IQGAP2: variants seen among roughly 807,000 people sequenced by gnomAD.
IQGAP2 encodes IQ motif containing GTPase activating protein 2.
Under a neutral mutation model 201.3 loss-of-function variants are expected in IQGAP2, and 173 were observed. The observed-to-expected ratio is 0.86, with a 90% CI of 0.76 to 0.98. The LOEUF is 0.98. IQGAP2 is among the 50% of genes least tolerant of loss of function. The pLI, the probability that IQGAP2 is intolerant of heterozygous loss-of-function variation, is 0.00. For synonymous variants in IQGAP2, 675 were observed against 673.9 expected, an observed-to-expected ratio of 1.00 and a Z score of -0.03; for missense variants, 1,687 against 1,864.8, an observed-to-expected ratio of 0.90 and a Z score of 1.76.
chr5:76,706,854 A>G (rs1249151468), intron 35 of IQGAP2, among the ~76,000 whole-genome samples: 2 of 152,216 alleles, frequency 1.3e-5, no homozygotes, highest in Non-Finnish European at 2.9e-5. Flanking sequence ...GATGGGCCCC[A>G]CCAGAGAGCT....
chr5:76,572,565 G>A (rs1480376104), intron 4 of IQGAP2, among the ~76,000 whole-genome samples: 1 of 152,088 alleles, frequency 6.6e-6, no homozygotes, highest in Admixed American at 6.5e-5. Context: ...AACCTCCCGA[G>A]TAGCTGGGGT....
At chr5:76,585,051 T>C (rs999497974) in intron 5 of IQGAP2, among the ~76,000 whole-genome samples, 1 of 152,188 alleles carries the variant, frequency 6.6e-6, no homozygotes, top group Non-Finnish European at 1.5e-5. Flanking sequence ...AAACAGTTAA[T>C]AAAATTTGTA....
rs1034066263 is a variant in IQGAP2, at chr5:76,692,142, TTCTA to T, written c.3906-1200_3906-1197del. Among the ~76,000 whole-genome samples the T allele has an allele frequency of 2.4e-4, 37 of 152,314 alleles. 1 individual carries two copies. The highest frequency in any genetic ancestry group is 3.4e-3 in the Middle Eastern group (1 of 294). On this transcript the variant is annotated intron_variant, in intron 30 of 35. Transcript: ENST00000274364. ...TCCTTTTCTTCTTTCTTTTCTTTCT[TTCTA>T]TCTATCTATCTAGATATCTATCTGA... is the stretch of plus-strand genomic sequence containing the variant.
At chr5:76,626,277 T>C (rs1280624412) in intron 13 of IQGAP2, among the ~76,000 whole-genome samples, 1 of 126,646 alleles carries the variant, frequency 7.9e-6, no homozygotes, top group African/African-American at 3.0e-5. Context: ...TTTCTTTTTT[T>C]TTTTTTTTTT....
At position 76,677,315 on chromosome 5, in the gene IQGAP2, T is replaced by C; in HGVS notation, c.3625T>C (p.Tyr1209His). ...GGTGACAGTCAGCAAACCAGTCATT[T>C]ATATTTCAATTGAAGAAATCATCAG... The part of the protein sequence containing the change: ...DLVTVSKPVI[Y>H]ISIEEIISTH... Residue 1209 changes from tyrosine (Y) to histidine (H), a missense_variant, in exon 28 of 36, where the codon TAT becomes CAT. Coordinates refer to ENST00000274364, the MANE Select transcript of IQGAP2 (RefSeq NM_006633.5). 6.2e-7 allele frequency: 1 copy of C among 1,614,008 alleles called. No individual in the cohort carries two copies. The highest frequency in any genetic ancestry group is 8.5e-7 in the Non-Finnish European group (1 of 1,179,944).
chr5:76,462,913 C>G (rs1343397870), intron 2 of IQGAP2, among the ~76,000 whole-genome samples: 1 of 152,026 alleles, frequency 6.6e-6, no homozygotes, highest in African/African-American at 2.4e-5. Context: ...GATTCACTAT[C>G]AGTCTAAGAT....
chr5:76,705,535 G>T (rs562937805), intron 35 of IQGAP2, among the ~76,000 whole-genome samples: 103 of 152,236 alleles, frequency 6.8e-4, no homozygotes, highest in African/African-American at 2.2e-3. Context: ...TAACTCTATT[G>T]GTTTAATTCT....
In IQGAP2 at chr5:76,654,925, C is replaced by A; in HGVS notation, c.2251-9C>A. The A allele has an allele frequency of 1.3e-6, 2 of 1,599,728 alleles. No individual in the cohort carries two copies. Among genetic ancestry groups the A allele is most frequent in the Non-Finnish European group, 1.7e-6 (2 of 1,167,470 alleles). On this transcript the variant is annotated splice_polypyrimidine_tract_variant and intron_variant, in intron 19 of 35. Transcript: ENST00000274364. ...CTGGGAGATCAAGACTTGTCTTAAT[C>A]TTTTGCAGAATAATGAAATTGTGAA...
intron 12 of IQGAP2, among the ~76,000 whole-genome samples, chr5:76,610,072 CTCTCTATATA>C (rs1287340875): frequency 3.6e-3 from 15 of 4,176 alleles, no homozygotes; most frequent in African/African-American, 8.8e-3. Context: ...CTCTCTCTCT[CTCTCTATATA>C]TATATATATA....
At chr5:76,411,433 T>C (rs1488433141) in intron 1 of IQGAP2, among the ~76,000 whole-genome samples, 1 of 152,212 alleles carries the variant, frequency 6.6e-6, no homozygotes, top group Non-Finnish European at 1.5e-5. Flanking sequence ...TGGAAGGTGC[T>C]GTAGTTTGAA....
intron 13 of IQGAP2, chr5:76,618,656 A>G (rs749040267): frequency 6.3e-7 from 1 of 1,588,798 alleles, no homozygotes; most frequent in South Asian, 1.1e-5. Flanking sequence ...TAATTGAAAG[A>G]AAGTATTAAC....
chr5:76,404,188 C>G (rs903234976), intron 1 of IQGAP2, among the ~76,000 whole-genome samples: 4 of 152,148 alleles, frequency 2.6e-5, no homozygotes, highest in Non-Finnish European at 5.9e-5. Context: ...CTTTCCCCCC[C>G]GCTCCCCTCG....
At position 76,695,653 on chromosome 5, in the gene IQGAP2, A is replaced by T; in HGVS notation, c.4193A>T (p.Asn1398Ile). 6.2e-7 allele frequency: 1 copy of T among 1,613,498 alleles called. No homozygotes were observed. The highest frequency in any genetic ancestry group is 8.5e-7 in the Non-Finnish European group (1 of 1,179,484). The change falls in exon 32 of 36, where the codon AAT becomes ATT. Residue 1398 changes from asparagine to isoleucine, a missense_variant. Asn to Ile is a moderately radical substitution (Grantham distance 149). Transcript: ENST00000274364. ...SSENKYQDILNEIAKDIRNQR... is the reference protein window; with the variant it reads ...SSENKYQDILIEIAKDIRNQR... ...GAAAATAAATACCAAGACATTCTCA[A>T]TGAGATTGCCAAGGTTTTTGGAAAC...
intron 30 of IQGAP2, among the ~76,000 whole-genome samples, chr5:76,691,208 A>T (rs1746233824): frequency 2.0e-5 from 3 of 152,154 alleles, no homozygotes; most frequent in Admixed American, 1.3e-4. Context: ...AATGAATTCC[A>T]CAGGCCTGGT....
At chr5:76,489,157 C>T (rs776507830) in intron 2 of IQGAP2, among the ~76,000 whole-genome samples, 80 of 152,090 alleles carry the variant, frequency 5.3e-4, no homozygotes, top group Non-Finnish European at 4.6e-4. Flanking sequence ...CCATGGAACA[C>T]GCAGGTGAAC....
chr5:76,529,506 T>C (rs1759156647), intron 2 of IQGAP2, among the ~76,000 whole-genome samples: 1 of 151,974 alleles, frequency 6.6e-6, no homozygotes, highest in Admixed American at 6.6e-5. Context: ...CGCACGCCTG[T>C]AATCCCAGCT....
intron 2 of IQGAP2, among the ~76,000 whole-genome samples, chr5:76,527,080 G>A (rs1759017843): frequency 6.6e-6 from 1 of 152,098 alleles, no homozygotes; most frequent in Non-Finnish European, 1.5e-5. Flanking sequence ...TTGTCCCTTG[G>A]GTCATGGCTA....
chr5:76,633,029 C>A (rs1214790253), intron 15 of IQGAP2, among the ~76,000 whole-genome samples: 1 of 152,126 alleles, frequency 6.6e-6, no homozygotes, highest in African/African-American at 2.4e-5. Flanking sequence ...ACTGTAATGT[C>A]CCCTGTCTCA....
chr5:76,597,713 C>T (rs1747138260), intron 10 of IQGAP2, 111 bp downstream of exon 10: 2 of 1,120,800 alleles, frequency 1.8e-6, no homozygotes, highest in African/African-American at 3.2e-5. Flanking sequence ...TAATTTGTAC[C>T]AGTCCTGGTC....
Sources: allele counts gnomAD v4.1 joint callset (sites outside exome capture counted in the v4.1 genomes callset), GRCh38; gene constraint gnomAD v4.1.1; transcripts MANE v1.5; gene names NCBI Gene and HGNC (gene_info 2026-07-23, HGNC 2026-07-21).